The following SCAPER variants were observed in gnomAD, a reference collection of about 807,000 sequenced individuals.
SCAPER encodes S phase cyclin A-associated protein in the endoplasmic reticulum.
A neutral mutation model predicts 182.2 loss-of-function variants in SCAPER; 98 were observed. That is an observed-to-expected ratio of 0.54 (90% confidence interval 0.46 to 0.64). The LOEUF (loss-of-function observed/expected upper bound fraction) is 0.64, where lower values mean the gene tolerates loss of function less well. Ranked by LOEUF, SCAPER falls within the 30% of genes least tolerant of loss-of-function variation. The pLI, the probability that SCAPER is intolerant of heterozygous loss-of-function variation, is 0.00. For missense variants in SCAPER, 1,432 were observed against 1,690.0 expected (o/e 0.85, Z 2.68); for synonymous variants, 605 against 564.6 (o/e 1.07, Z -1.01).
chr15:76,904,115 A>G (rs1474714412), intron 1 of SCAPER, among the ~76,000 whole-genome samples: 8 of 152,372 alleles, frequency 5.3e-5, no homozygotes, highest in East Asian at 1.9e-4. Context: ...GTTAACAGAA[A>G]TAACAGAAGG....
Position 76,846,411 on chromosome 15 carries a change from C to A in SCAPER, c.196-4480G>T, listed in dbSNP as rs1435497449. Among the ~76,000 whole-genome samples the A allele has an allele frequency of 4.0e-5, 6 of 151,406 alleles. No individual in the cohort carries two copies. In the East Asian group the frequency reaches 1.2e-3, roughly 29 times the overall value. On this transcript the variant is annotated intron_variant, in intron 4 of 31. Transcript: ENST00000563290. ...GGAAACAATCAACAAAGTGAAGAGA[C>A]AAACAACAGAATGGGAGAAAATATT...
chr15:76,393,262 G>A (rs1051250177), intron 27 of SCAPER, among the ~76,000 whole-genome samples: 1 of 152,196 alleles, frequency 6.6e-6, no homozygotes, highest in African/African-American at 2.4e-5. Context: ...CTTTGACAGC[G>A]TGAGCAGGAC....
intron 6 of SCAPER, among the ~76,000 whole-genome samples, chr15:76,801,070 T>C (rs2065754221): frequency 6.6e-6 from 1 of 152,200 alleles, no homozygotes; most frequent in South Asian, 2.1e-4. Flanking sequence ...CACTGGCAAA[T>C]AGTATTTCAT....
intron 25 of SCAPER, among the ~76,000 whole-genome samples, chr15:76,445,254 T>C (rs2047915680): frequency 6.6e-6 from 1 of 152,264 alleles, no homozygotes. Flanking sequence ...TACTTTTTCA[T>C]TTGCTTTAAG....
chr15:76,824,354 G>A lies in SCAPER; in HGVS notation c.393+17380C>T, dbSNP rs1240615078. Among the ~76,000 whole-genome samples, 5 of 152,282 alleles carry A rather than the reference G, an allele frequency of 3.3e-5. No homozygotes were observed. The East Asian group carries it at 5.8e-4, about 18-fold the overall frequency. On this transcript the variant is annotated intron_variant, in intron 5 of 31. Transcript: ENST00000563290. ...TGGCGCACAGAGCAGGAAGGTTGGC[G>A]CCATCCCTTTGTCCTCCTGACACAC...
At chr15:76,652,661 A>G (rs1252038383) in intron 21 of SCAPER, among the ~76,000 whole-genome samples, 1 of 151,060 alleles carries the variant, frequency 6.6e-6, no homozygotes, top group Non-Finnish European at 1.5e-5. Flanking sequence ...CAGTGAGCCA[A>G]GATCGTACCA....
chr15:76,553,804 A>C (rs2045971113), intron 23 of SCAPER, among the ~76,000 whole-genome samples: 1 of 152,228 alleles, frequency 6.6e-6, no homozygotes, highest in South Asian at 2.1e-4. Context: ...GATCATCAAA[A>C]AAGATAAAAA....
intron 21 of SCAPER, among the ~76,000 whole-genome samples, chr15:76,623,625 T>C (rs966308402): frequency 3.9e-5 from 6 of 152,192 alleles, no homozygotes; most frequent in African/African-American, 1.4e-4. Flanking sequence ...TTTGTACCAG[T>C]ACCATGCTCT....
chr15:76,394,080 T>C (rs1332247682), intron 27 of SCAPER, among the ~76,000 whole-genome samples: 1 of 152,196 alleles, frequency 6.6e-6, no homozygotes, highest in Non-Finnish European at 1.5e-5. Flanking sequence ...TTTGTTGCAG[T>C]TATTGTAACC....
intron 4 of SCAPER, chr15:76,855,987 A>G: frequency 9.8e-6 from 2 of 204,848 alleles, no homozygotes; most frequent in South Asian, 6.5e-5. Context: ...TCACTGCAGC[A>G]CTATTCACAA....
intron 29 of SCAPER, among the ~76,000 whole-genome samples, chr15:76,368,370 CCTT>C (rs1276792110): frequency 2.0e-5 from 3 of 152,236 alleles, no homozygotes; most frequent in Non-Finnish European, 2.9e-5. Flanking sequence ...GGAAACCACT[CCTT>C]ATTTCTGTGC....
intron 15 of SCAPER, among the ~76,000 whole-genome samples, chr15:76,741,020 T>C (rs1598458651): frequency 6.6e-6 from 1 of 152,146 alleles, no homozygotes; most frequent in African/African-American, 2.4e-5. Context: ...GTTTCATATT[T>C]TATTATCTCA....
chr15:76,762,983 C>T (rs778831045), intron 14 of SCAPER, among the ~76,000 whole-genome samples: 15 of 152,116 alleles, frequency 9.9e-5, no homozygotes, highest in Non-Finnish European at 1.8e-4. Flanking sequence ...ATTGGGGTTA[C>T]CAGTTATTTC....
Position 76,818,194 on chromosome 15 carries a change from A to C in SCAPER, c.394-13561T>G, listed in dbSNP as rs1463394814. ...TAACGTACAAAGCCAATACAAGGGA[A>C]CAAAGATTGTTTTTCAACACATGAT... is the stretch of plus-strand genomic sequence containing the variant. On this transcript the variant is annotated intron_variant, in intron 5 of 31. Coordinates refer to ENST00000563290, the MANE Select transcript of SCAPER (RefSeq NM_020843.4). Among the ~76,000 whole-genome samples, 3 of 152,358 alleles carry C rather than the reference A, an allele frequency of 2.0e-5. No homozygotes were observed. In the East Asian group the frequency reaches 5.8e-4, roughly 29 times the overall value.
chr15:76,410,722 G>A (rs1331890328), intron 26 of SCAPER, among the ~76,000 whole-genome samples: 2 of 151,814 alleles, frequency 1.3e-5, no homozygotes, highest in East Asian at 3.9e-4. Context: ...CACTAGTAAA[G>A]TTGATTCCTT....
chr15:76,405,034 C>G (rs1203239643), intron 26 of SCAPER, among the ~76,000 whole-genome samples: 1 of 151,014 alleles, frequency 6.6e-6, no homozygotes, highest in Non-Finnish European at 1.5e-5. Context: ...TTTTAAAGTA[C>G]TAGGTAGCCC....
At chr15:76,406,111 C>T (rs1458536904) in intron 26 of SCAPER, among the ~76,000 whole-genome samples, 1 of 152,038 alleles carries the variant, frequency 6.6e-6, no homozygotes, top group Non-Finnish European at 1.5e-5. Context: ...AATCTTATTA[C>T]AATCTGATTG....
chr15:76,826,571 A>T (rs1444664270), intron 5 of SCAPER, among the ~76,000 whole-genome samples: 10 of 3,496 alleles, frequency 2.9e-3, no homozygotes, highest in South Asian at 0.016. Flanking sequence ...ATAATAATTA[A>T]AAAAAAAAAA....
In SCAPER at chr15:76,625,222, G is replaced by T. The variant is rs370858987; in HGVS notation, c.2646-3393C>A. On this transcript the variant is annotated intron_variant, in intron 21 of 31. Transcript: ENST00000563290. ...GCTAGCTTTGGTAGGCCAGCATGGG[G>T]TAATACTCAGGCCTAAGGCAGAATG... 2.6e-5 allele frequency among the ~76,000 whole-genome samples: 4 copies of T among 152,248 alleles called. No individual in the cohort carries two copies. The East Asian group carries it at 7.7e-4, about 29-fold the overall frequency.
Sources: gnomAD v4.1 joint callset for allele counts (sites outside exome capture counted in the v4.1 genomes callset) on GRCh38, gnomAD v4.1.1 for gene constraint, MANE v1.5 for transcripts, NCBI Gene and HGNC (gene_info 2026-07-23, HGNC 2026-07-21) for gene names.